The following PARVB variants were observed in gnomAD, a reference collection of about 807,000 sequenced individuals.
PARVB encodes the protein parvin beta.
A neutral mutation model predicts 47.0 loss-of-function variants in PARVB; 46 were observed. The ratio of observed to expected loss-of-function variants is 0.98; its 90% confidence interval spans 0.77 to 1.25. The LOEUF (loss-of-function observed/expected upper bound fraction) is 1.25. Among genes scored for constraint, PARVB ranks in the 50% most tolerant of loss-of-function variants. The pLI is 0.00. For missense variants in PARVB, 473 were observed against 471.6 expected (o/e 1.00, Z -0.03); for synonymous variants, 196 against 196.3 (o/e 1.00, Z 0.01).
chr22:44,036,408 G>T (rs950732860), intron 1 of PARVB, among the ~76,000 whole-genome samples: 3 of 152,076 alleles, frequency 2.0e-5, no homozygotes, highest in Admixed American at 1.3e-4. Flanking sequence ...TGTATTTTAT[G>T]GTGGTAAATG....
chr22:44,165,395 G>A (rs2054144819), intron 12 of PARVB, among the ~76,000 whole-genome samples: 1 of 152,218 alleles, frequency 6.6e-6, no homozygotes, highest in South Asian at 2.1e-4. Flanking sequence ...CGACAGCACG[G>A]ATCAAAGCAC....
At chr22:44,058,503 C>T (rs2051356598) in intron 1 of PARVB, among the ~76,000 whole-genome samples, 3 of 151,786 alleles carry the variant, frequency 2.0e-5, no homozygotes, top group African/African-American at 7.3e-5. Flanking sequence ...GACCCTGTTT[C>T]CAAATAAGGC....
intron 4 of PARVB, among the ~76,000 whole-genome samples, chr22:44,128,584 C>A (rs1029133020): frequency 6.6e-6 from 1 of 152,214 alleles, no homozygotes; most frequent in South Asian, 2.1e-4. Context: ...GTTTCCACCA[C>A]CAAATTCATA....
At chr22:44,131,776 G>T in intron 5 of PARVB, 149 bp downstream of exon 5, 1 of 821,674 alleles carries the variant, frequency 1.2e-6, no homozygotes. Flanking sequence ...GTAAGAGGTA[G>T]AACATTGCAG....
rs369022206 is a variant in PARVB at position 44,051,096 on chromosome 22, G to A, written c.112+26645G>A. On this transcript the variant is annotated intron_variant, in intron 1 of 12. Transcript: ENST00000338758. ...GCTTCAAGAGCAGCATCTGTGCTGA[G>A]TAACAGCCATGGGGGCAGAAGCAGA... Among the ~76,000 whole-genome samples, 29 of 152,328 alleles carry A rather than the reference G, an allele frequency of 1.9e-4. No homozygotes were observed. The East Asian group carries it at 2.3e-3, about 12-fold the overall frequency.
intron 1 of PARVB, among the ~76,000 whole-genome samples, chr22:44,071,208 C>T (rs1053351002): frequency 6.6e-6 from 1 of 152,140 alleles, no homozygotes; most frequent in African/African-American, 2.4e-5. Flanking sequence ...AAGACACCTG[C>T]TTAGCTTCCC....
intron 2 of PARVB, among the ~76,000 whole-genome samples, chr22:44,004,708 C>T (rs941666742): frequency 6.6e-6 from 1 of 152,222 alleles, no homozygotes; most frequent in Non-Finnish European, 1.5e-5. Context: ...GTTCGGGGCT[C>T]AAACTTTCTG....
chr22:44,119,964 C>A lies in PARVB; in HGVS notation c.376+824C>A, dbSNP rs114449749. On this transcript the variant is annotated intron_variant, in intron 4 of 12. Coordinates refer to ENST00000338758, the MANE Select transcript of PARVB (RefSeq NM_013327.5). ...TCGCAGATGATGCATGAGAGGAATT[C>A]TTGGACTTGTAGTGGGTTCTCACGA... is the stretch of plus-strand genomic sequence containing the variant. 6.8e-4 allele frequency: 299 copies of A among 441,666 alleles called. 1 individual carries two copies. Among genetic ancestry groups the A allele is most frequent in the African/African-American group, 5.1e-3 (254 of 49,892 alleles). The allele number at this position is 441,666 out of a possible 1,614,324, so 27.4% of individuals were successfully genotyped here. A position where few individuals can be genotyped will look rare whatever the true frequency, so the allele number is the denominator to read the frequency against.
chr22:44,083,681 A>G (rs532966911), intron 1 of PARVB, among the ~76,000 whole-genome samples: 30 of 152,130 alleles, frequency 2.0e-4, no homozygotes, highest in Non-Finnish European at 3.7e-4. Context: ...GAATGGCCTC[A>G]TCAGACGATG....
At chr22:44,100,693 C>T (rs188097680) in intron 3 of PARVB, among the ~76,000 whole-genome samples, 37 of 152,232 alleles carry the variant, frequency 2.4e-4, no homozygotes, top group African/African-American at 6.7e-4. Context: ...TCTTGGGCAG[C>T]GGCTGTCCTT....
chr22:44,077,775 C>T (rs1601567673), intron 1 of PARVB, among the ~76,000 whole-genome samples: 1 of 152,184 alleles, frequency 6.6e-6, no homozygotes, highest in East Asian at 1.9e-4. Flanking sequence ...ATTCTGTCAT[C>T]CAGGCTGGTG....
At chr22:44,165,517 G>A (rs1335333611) in intron 12 of PARVB, among the ~76,000 whole-genome samples, 2 of 152,224 alleles carry the variant, frequency 1.3e-5, no homozygotes, top group Non-Finnish European at 1.5e-5. Context: ...GTGAGGCAGG[G>A]CCATGAGGGA....
At chr22:44,013,534 G>A (rs2050545940) in intron 2 of PARVB, among the ~76,000 whole-genome samples, 2 of 152,192 alleles carry the variant, frequency 1.3e-5, no homozygotes, top group South Asian at 4.1e-4. Flanking sequence ...AACAGAGGTC[G>A]CCTGCTCTTG....
intron 11 of PARVB, 81 bp downstream of exon 11, chr22:44,158,164 T>C (rs1339378526): frequency 1.1e-6 from 1 of 920,696 alleles, no homozygotes; most frequent in Non-Finnish European, 1.7e-6. Flanking sequence ...CCGGCAGCTC[T>C]TCCTGCAGCC....
Position 44,119,028 on chromosome 22 carries a change from T to C in PARVB, c.274-10T>C. 1 of 1,602,138 alleles carries C rather than the reference T, an allele frequency of 6.2e-7. No homozygotes were observed. The highest frequency in any genetic ancestry group is 8.6e-7 in the Non-Finnish European group (1 of 1,169,140). ...GTGGACTGAGGCCATAATGCCTGCG[T>C]CTCCTGCAGGTCCTCCTCGACTGGA... On this transcript the variant is annotated splice_polypyrimidine_tract_variant and intron_variant, in intron 3 of 12. Transcript: ENST00000338758.
intron 4 of PARVB, among the ~76,000 whole-genome samples, chr22:44,128,061 G>A (rs2053227993): frequency 6.6e-6 from 1 of 152,196 alleles, no homozygotes; most frequent in Admixed American, 6.5e-5. Context: ...GGGATCACAG[G>A]GATGAGCCAC....
intron 1 of PARVB, chr22:44,026,247 G>A (rs1236361746): frequency 2.2e-6 from 2 of 910,210 alleles, no homozygotes; most frequent in Non-Finnish European, 2.6e-6. Context: ...GAAAATTCAG[G>A]CCCAGCCTGG....
chr22:44,062,690 A>G (rs1569085307), intron 1 of PARVB, among the ~76,000 whole-genome samples: 1 of 151,660 alleles, frequency 6.6e-6, no homozygotes, highest in Non-Finnish European at 1.5e-5. Context: ...TCCCTGGTCT[A>G]TTATAAAGGA....
At chr22:44,023,276 C>T (rs1337280732), upstream of PARVB, among the ~76,000 whole-genome samples, 1 of 151,652 alleles carries the variant, frequency 6.6e-6, no homozygotes, top group Non-Finnish European at 1.5e-5. Context: ...TTTGGGAGGC[C>T]GAGGCAGGCG....
Sources: allele counts gnomAD v4.1 joint callset (sites outside exome capture counted in the v4.1 genomes callset), GRCh38; gene constraint gnomAD v4.1.1; transcripts MANE v1.5; gene names NCBI Gene and HGNC (gene_info 2026-07-23, HGNC 2026-07-21).